Variants in RECK observed in about 807,000 individuals in gnomAD.
RECK encodes reversion inducing cysteine rich protein with kazal motifs.
RECK carries 69 observed loss-of-function variants against 115.1 expected under a neutral mutation model. The observed-to-expected ratio is 0.60, with a 90% CI of 0.49 to 0.73. The LOEUF (loss-of-function observed/expected upper bound fraction) is 0.73. Ranked by LOEUF, RECK falls within the 30% of genes least tolerant of loss-of-function variation. The pLI, the probability that RECK is intolerant of heterozygous loss-of-function variation, is 0.00. For synonymous variants in RECK, 414 were observed against 419.7 expected (o/e 0.99, Z 0.17); for missense variants, 1,047 against 1,203.7 (o/e 0.87, Z 1.93).
intron 13 of RECK, among the ~76,000 whole-genome samples, chr9:36,106,009 C>T (rs965443607): frequency 6.6e-6 from 1 of 151,934 alleles, no homozygotes; most frequent in Non-Finnish European, 1.5e-5. Flanking sequence ...GTCAGGAGAT[C>T]GAAACCATCC....
intron 13 of RECK, among the ~76,000 whole-genome samples, chr9:36,107,651 T>A (rs1823877699): frequency 6.6e-6 from 1 of 152,118 alleles, no homozygotes; most frequent in African/African-American, 2.4e-5. Context: ...TTCTATTTTT[T>A]AAAATATCTG....
chr9:36,044,989 A>G (rs1282987309), intron 1 of RECK, among the ~76,000 whole-genome samples: 1 of 152,238 alleles, frequency 6.6e-6, no homozygotes, highest in South Asian at 2.1e-4. Flanking sequence ...TGGTACTACA[A>G]TTGACTTAAT....
chr9:36,051,578 C>T (rs1426000263), intron 1 of RECK, among the ~76,000 whole-genome samples: 2 of 152,174 alleles, frequency 1.3e-5, no homozygotes, highest in Non-Finnish European at 2.9e-5. Context: ...CACTACTCCT[C>T]CTGTGATGCC....
chr9:36,081,018 T>C (rs1180616777), intron 7 of RECK, among the ~76,000 whole-genome samples: 2 of 152,098 alleles, frequency 1.3e-5, no homozygotes, highest in African/African-American at 2.4e-5. Context: ...TGGTAGGATA[T>C]GAGATAGTGT....
At chr9:36,072,659 G>GT (rs1428465290) in intron 6 of RECK, 1 of 152,186 alleles carries the variant, frequency 6.6e-6, no homozygotes, top group Non-Finnish European at 1.5e-5. Context: ...GTAAAATGCT[G>GT]TACCGGTATA....
intron 13 of RECK, among the ~76,000 whole-genome samples, chr9:36,106,239 C>T (rs1284535823): frequency 2.2e-5 from 3 of 137,450 alleles, no homozygotes; most frequent in Non-Finnish European, 4.5e-5. Context: ...TAAAAAAAAA[C>T]GTTTTTTTTT....
chr9:36,059,027 T>A, intron 3 of RECK, 126 bp downstream of exon 3: 1 of 487,164 alleles, frequency 2.1e-6, no homozygotes, highest in Non-Finnish European at 3.4e-6. Context: ...ATGTTAAGTT[T>A]AACTTAAATA....
chr9:36,109,881 A>C (rs1214607470), intron 14 of RECK, 76 bp from the exon 15 acceptor site: 4 of 1,342,876 alleles, frequency 3.0e-6, no homozygotes, highest in Non-Finnish European at 4.2e-6. Flanking sequence ...AAACTTGTTG[A>C]ACTATTAAAA....
rs567401109 is a variant in RECK, at chr9:36,100,463, G to A, written c.1218G>A (p.Gln406=). 6.2e-7 allele frequency: 1 copy of A among 1,614,066 alleles called. No homozygotes were observed. Among genetic ancestry groups the A allele is most frequent in the African/African-American group, 1.3e-5 (1 of 75,036 alleles). Residue 406 remains glutamine (Q), a synonymous_variant, in exon 11 of 21, where the codon CAG becomes CAA. Transcript: ENST00000377966. ...CTGTTCTTGATATTAAAAAGTGCCA[G>A]CCAGAGATGTGGAAAGCAATAGCTT... The part of the protein sequence containing the change: ...NIPVLDIKKC[Q]PEMWKAIACS...
intron 4 of RECK, among the ~76,000 whole-genome samples, chr9:36,062,501 A>T (rs1013476488): frequency 2.1e-5 from 3 of 142,460 alleles, no homozygotes; most frequent in Admixed American, 7.0e-5. Context: ...TTTTTTTGAG[A>T]CAGAGTCTTG....
intron 19 of RECK, 106 bp from the exon 20 acceptor site, chr9:36,121,427 C>A: frequency 2.9e-6 from 3 of 1,049,100 alleles, no homozygotes; most frequent in Non-Finnish European, 4.2e-6. Flanking sequence ...CCGCTGAGGG[C>A]TGTGCGGTCA....
intron 6 of RECK, among the ~76,000 whole-genome samples, chr9:36,070,152 G>A (rs1249423381): frequency 2.6e-5 from 4 of 152,176 alleles, no homozygotes; most frequent in African/African-American, 9.7e-5. Flanking sequence ...TGTGAAAATA[G>A]AAAGTGGGTA....
intron 1 of RECK, among the ~76,000 whole-genome samples, chr9:36,050,990 TTC>T (rs758592394): frequency 6.6e-6 from 1 of 152,026 alleles, no homozygotes; most frequent in Admixed American, 6.6e-5. Context: ...CACATTCGTA[TTC>T]TCTCTCTCTG....
At chr9:36,059,434 C>G (rs1454921462) in intron 3 of RECK, among the ~76,000 whole-genome samples, 2 of 146,048 alleles carry the variant, frequency 1.4e-5, no homozygotes, top group Non-Finnish European at 1.5e-5. Context: ...CCAGTCTGGG[C>G]AGCAGAGTAA....
At chr9:36,120,159 C>T (rs777374182) in intron 18 of RECK, among the ~76,000 whole-genome samples, 11 of 151,682 alleles carry the variant, frequency 7.3e-5, no homozygotes, top group Admixed American at 1.3e-4. Context: ...GGCATGAACC[C>T]GGGAGGCGGA....
intron 2 of RECK, among the ~76,000 whole-genome samples, chr9:36,053,905 C>T (rs1821410464): frequency 6.6e-6 from 1 of 152,158 alleles, no homozygotes; most frequent in Admixed American, 6.6e-5. Context: ...AAATATTACT[C>T]CTATTACTGG....
In RECK at chr9:36,044,606, T is replaced by A. The variant is rs541550904; in HGVS notation, c.100+7508T>A. Among the ~76,000 whole-genome samples the A allele has an allele frequency of 1.8e-4, 27 of 152,320 alleles. No individual in the cohort carries two copies. The South Asian group carries it at 5.6e-3, about 32-fold the overall frequency. On this transcript the variant is annotated intron_variant, in intron 1 of 20. Coordinates refer to ENST00000377966, the MANE Select transcript of RECK (RefSeq NM_021111.3). ...TCTGGGGATACCAAGAGAACCCACA[T>A]GAAATGATTAGAGAAGAGTTAAGTG...
chr9:36,114,700 C>G (rs10972730), intron 16 of RECK, among the ~76,000 whole-genome samples: 18 of 151,936 alleles, frequency 1.2e-4, no homozygotes, highest in Non-Finnish European at 2.4e-4. Context: ...CAAAAATTAG[C>G]CAGACATGGT....
At chr9:36,089,967 TACACACACACAC>T (rs55678229) in intron 9 of RECK, among the ~76,000 whole-genome samples, 1,819 of 143,892 alleles carry the variant, frequency 0.013, 41 homozygotes, top group African/African-American at 0.045. Flanking sequence ...CTACTAAAAA[TACACACACACAC>T]ACACACACAC....
Sources: gnomAD v4.1 joint callset for allele counts (sites outside exome capture counted in the v4.1 genomes callset) on GRCh38, gnomAD v4.1.1 for gene constraint, MANE v1.5 for transcripts, NCBI Gene and HGNC (gene_info 2026-07-23, HGNC 2026-07-21) for gene names.